The following RBFOX1 variants were observed in gnomAD, a reference collection of about 807,000 sequenced individuals.
RBFOX1 encodes the protein RNA binding protein fox-1 homolog 1.
A neutral mutation model predicts 57.7 loss-of-function variants in RBFOX1; 8 were observed. The ratio of observed to expected loss-of-function variants is 0.14; its 90% CI spans 0.08 to 0.25. The LOEUF is 0.25. Ranked by LOEUF, RBFOX1 falls within the 10% of genes least tolerant of loss-of-function variation. The pLI, the probability that RBFOX1 is intolerant of heterozygous loss-of-function variation, is 1.00. For synonymous variants in RBFOX1, 326 were observed against 222.4 expected, an observed-to-expected ratio of 1.47 and a Z score of -4.15; for missense variants, 611 against 548.5, an observed-to-expected ratio of 1.11 and a Z score of -1.14.
chr16:5,897,555 G>A, intron 4 of RBFOX1, among the ~76,000 whole-genome samples: 1 of 152,154 alleles, frequency 6.6e-6, no homozygotes, highest in Non-Finnish European at 1.5e-5. Context: ...TGACCCCCGG[G>A]GTTTGCTCCA....
At chr16:7,073,428 C>T (rs185303424) in intron 4 of RBFOX1, among the ~76,000 whole-genome samples, 16 of 152,172 alleles carry the variant, frequency 1.1e-4, no homozygotes, top group Admixed American at 7.9e-4. Context: ...GTTAGCCGAG[C>T]GCTGCCAGAA....
intron 2 of RBFOX1, among the ~76,000 whole-genome samples, chr16:6,597,182 A>G (rs1189611065): frequency 6.6e-6 from 1 of 152,188 alleles, no homozygotes; most frequent in African/African-American, 2.4e-5. Flanking sequence ...ATTACTAAGG[A>G]CGATTCTCTA....
At chr16:5,587,192 C>A (rs1461594855) in intron 2 of RBFOX1, among the ~76,000 whole-genome samples, 1 of 152,148 alleles carries the variant, frequency 6.6e-6, no homozygotes, top group Non-Finnish European at 1.5e-5. Context: ...ATGCAAATTG[C>A]ATATCTGTAA....
chr16:6,184,637 G>A (rs747048983), intron 1 of RBFOX1, among the ~76,000 whole-genome samples: 1 of 152,152 alleles, frequency 6.6e-6, no homozygotes, highest in Admixed American at 6.5e-5. Flanking sequence ...TCAGTTCACT[G>A]CAACCTCCGC....
chr16:7,309,754 C>G (rs757134542), intron 4 of RBFOX1, among the ~76,000 whole-genome samples: 1 of 152,120 alleles, frequency 6.6e-6, no homozygotes, highest in African/African-American at 2.4e-5. Flanking sequence ...TGGAAGGGAA[C>G]GAAATTGCAG....
intron 2 of RBFOX1, among the ~76,000 whole-genome samples, chr16:6,650,997 G>A (rs981453839): frequency 6.6e-5 from 10 of 152,110 alleles, no homozygotes; most frequent in African/African-American, 1.7e-4. Flanking sequence ...CCGCCTTCCC[G>A]GTTCAAGTGA....
chr16:7,090,298 A>G (rs559146780), intron 4 of RBFOX1, among the ~76,000 whole-genome samples: 16 of 152,342 alleles, frequency 1.1e-4, no homozygotes, highest in African/African-American at 3.8e-4. Flanking sequence ...ACCTCTTTAT[A>G]TGCACCTATC....
chr16:7,555,095 G>C (rs114421183), intron 5 of RBFOX1, among the ~76,000 whole-genome samples: 21 of 151,932 alleles, frequency 1.4e-4, no homozygotes, highest in African/African-American at 5.1e-4. Context: ...AGTAGGGTAA[G>C]GGGGGGTTTT....
chr16:5,297,748 A>G (rs2151190118), intron 1 of RBFOX1, among the ~76,000 whole-genome samples: 1 of 152,332 alleles, frequency 6.6e-6, no homozygotes, highest in Middle Eastern at 3.4e-3. Context: ...TTTAGGACAA[A>G]TGTTACTGGT....
intron 3 of RBFOX1, among the ~76,000 whole-genome samples, chr16:5,803,817 T>A (rs894279353): frequency 2.6e-5 from 4 of 152,228 alleles, no homozygotes; most frequent in Admixed American, 6.5e-5. Context: ...GGTCTGGGAT[T>A]GCAGAAATGT....
intron 3 of RBFOX1, among the ~76,000 whole-genome samples, chr16:7,003,762 C>G (rs896161149): frequency 2.0e-5 from 3 of 152,014 alleles, no homozygotes; most frequent in African/African-American, 4.8e-5. Flanking sequence ...ATATGCACAT[C>G]AAGTCTAATT....
At chr16:5,744,833 C>T (rs2052912208) in intron 3 of RBFOX1, among the ~76,000 whole-genome samples, 2 of 152,176 alleles carry the variant, frequency 1.3e-5, no homozygotes, top group South Asian at 2.1e-4. Flanking sequence ...TCTCAGCTCA[C>T]TGCAACTTCT....
intron 4 of RBFOX1, among the ~76,000 whole-genome samples, chr16:5,937,797 C>A (rs958721046): frequency 6.8e-6 from 1 of 147,974 alleles, no homozygotes; most frequent in African/African-American, 2.5e-5. Flanking sequence ...AAATATATAC[C>A]TATATAAATT....
At chr16:7,073,564 C>G (rs939939966) in intron 4 of RBFOX1, among the ~76,000 whole-genome samples, 2 of 152,118 alleles carry the variant, frequency 1.3e-5, no homozygotes, top group Non-Finnish European at 1.5e-5. Context: ...AATACCATGG[C>G]TGGTGTGGAG....
intron 1 of RBFOX1, among the ~76,000 whole-genome samples, chr16:5,333,283 C>G (rs752572664): frequency 6.6e-6 from 1 of 152,188 alleles, no homozygotes; most frequent in African/African-American, 2.4e-5. Flanking sequence ...AAATTTGGTT[C>G]AAGTCCTGCT....
At chr16:7,023,531 A>T (rs1238173532) in intron 3 of RBFOX1, among the ~76,000 whole-genome samples, 1 of 141,872 alleles carries the variant, frequency 7.0e-6, no homozygotes, top group Non-Finnish European at 1.5e-5. Flanking sequence ...CTTTAAGAAC[A>T]GCCTGGCCAA....
chr16:6,701,144 T>C (rs962451893), intron 3 of RBFOX1, among the ~76,000 whole-genome samples: 3 of 151,664 alleles, frequency 2.0e-5, no homozygotes, highest in African/African-American at 7.3e-5. Flanking sequence ...TATGTGTGTG[T>C]GTGTGTGTGT....
At chr16:6,858,297 T>C (rs1230559193) in intron 3 of RBFOX1, among the ~76,000 whole-genome samples, 1 of 152,178 alleles carries the variant, frequency 6.6e-6, no homozygotes, top group African/African-American at 2.4e-5. Context: ...CCTCTCTGTG[T>C]TGAGAGACTA....
intron 1 of RBFOX1, among the ~76,000 whole-genome samples, chr16:5,266,276 C>T (rs796894860): frequency 1.2e-4 from 19 of 152,108 alleles, no homozygotes; most frequent in Middle Eastern, 3.2e-3. Context: ...TGAGTGGCAT[C>T]CCTGGATCCC....
Sources: allele counts gnomAD v4.1 joint callset (sites outside exome capture counted in the v4.1 genomes callset), GRCh38; gene constraint gnomAD v4.1.1; transcripts MANE v1.5; gene names NCBI Gene and HGNC (gene_info 2026-07-23, HGNC 2026-07-21).